The following LRP1B variants were observed in gnomAD, a reference collection of about 807,000 sequenced individuals.
LRP1B encodes LDL receptor related protein 1B, also known as low-density lipoprotein receptor-related protein 1B.
In LRP1B, 217 loss-of-function variants were observed where a neutral mutation model predicts 556.6. That is an observed-to-expected ratio of 0.39 (90% confidence interval 0.35 to 0.44). The LOEUF (loss-of-function observed/expected upper bound fraction) is 0.44, where lower values mean the gene tolerates loss of function less well. Ranked by LOEUF, LRP1B falls within the 20% of genes least tolerant of loss-of-function variation. The pLI, the probability that LRP1B is intolerant of heterozygous loss-of-function variation, is 1.00. For missense variants in LRP1B, 5,053 were observed against 5,620.8 expected (o/e 0.90, Z 3.23); for synonymous variants, 2,047 against 1,865.8 (o/e 1.10, Z -2.50).
intron 35 of LRP1B, among the ~76,000 whole-genome samples, chr2:140,717,473 T>C (rs940116189): frequency 6.6e-6 from 1 of 152,108 alleles, no homozygotes; most frequent in African/African-American, 2.4e-5. Flanking sequence ...TGAAGAATTG[T>C]TCTATGTGAT....
intron 3 of LRP1B, among the ~76,000 whole-genome samples, chr2:141,400,819 TC>T (rs1690424771): frequency 6.6e-6 from 1 of 152,182 alleles, no homozygotes; most frequent in South Asian, 2.1e-4. Flanking sequence ...TGCAATGGCT[TC>T]CTTTGCCTCT....
chr2:141,398,323 G>GA (rs545724253), intron 3 of LRP1B, among the ~76,000 whole-genome samples: 76 of 152,196 alleles, frequency 5.0e-4, no homozygotes, highest in African/African-American at 1.8e-3. Context: ...TGCTTACCAT[G>GA]AAAAAAAGAC....
intron 29 of LRP1B, among the ~76,000 whole-genome samples, chr2:140,841,446 T>C (rs1407495917): frequency 5.3e-5 from 8 of 152,184 alleles, no homozygotes; most frequent in Non-Finnish European, 1.5e-5. Flanking sequence ...ATAGCACATC[T>C]TTCTAGTTAC....
intron 3 of LRP1B, among the ~76,000 whole-genome samples, chr2:141,406,856 G>T (rs1043382082): frequency 6.6e-6 from 1 of 152,056 alleles, no homozygotes; most frequent in African/African-American, 2.4e-5. Flanking sequence ...TATATGTGCT[G>T]TAAGCTTTTA....
intron 3 of LRP1B, among the ~76,000 whole-genome samples, chr2:141,372,619 C>A (rs1223098038): frequency 1.3e-5 from 2 of 151,944 alleles, no homozygotes; most frequent in African/African-American, 4.8e-5. Context: ...CAGGAGCTTG[C>A]AGTTTTCCAG....
At position 140,371,294 on chromosome 2, in the gene LRP1B, A is replaced by G; in HGVS notation, c.10769-9T>C. 6.8e-7 allele frequency: 1 copy of G among 1,479,264 alleles called. No homozygotes were observed. Among genetic ancestry groups the G allele is most frequent in the Non-Finnish European group, 9.2e-7 (1 of 1,089,344 alleles). 91.6% of individuals were successfully genotyped at this position (1,479,264 alleles called of 1,614,324 possible). On this transcript the variant is annotated splice_polypyrimidine_tract_variant and intron_variant, in intron 69 of 90. Transcript: ENST00000389484. ...TGAGCAAGTAGGAGAAGCTGAATAC[A>G]ATTATAAATTTGAAATTGAGATAGA...
At chr2:141,276,523 C>T (rs1032762123) in intron 3 of LRP1B, among the ~76,000 whole-genome samples, 3 of 152,222 alleles carry the variant, frequency 2.0e-5, no homozygotes, top group Middle Eastern at 3.4e-3. Context: ...GTTTAACTCC[C>T]ATTTACTAGT....
At chr2:140,395,715 C>T (rs1272340527) in intron 66 of LRP1B, among the ~76,000 whole-genome samples, 2 of 152,152 alleles carry the variant, frequency 1.3e-5, no homozygotes, top group Non-Finnish European at 2.9e-5. Context: ...AGAGGTGAAT[C>T]TATAATAAGC....
Position 140,274,427 on chromosome 2 carries a change from C to T in LRP1B, c.13139G>A (p.Cys4380Tyr). ...ATTAAGCTGGGTGTCCACTTACTTGCAAAATATATCTTCACTGTCTTTATT... is the reference window on the plus strand; with the variant it reads ...ATTAAGCTGGGTGTCCACTTACTTGTAAAATATATCTTCACTGTCTTTATT... ...IINKDSEDIF[C>Y]NCTNGKIASS... The change falls in exon 85 of 91, where the codon TGC becomes TAC. Residue 4380 changes from cysteine (C) to tyrosine (Y), a missense_variant. Transcript: ENST00000389484. The T allele has an allele frequency of 6.2e-7, 1 of 1,612,012 alleles. No individual in the cohort carries two copies.
intron 1 of LRP1B, among the ~76,000 whole-genome samples, chr2:141,873,802 A>T (rs950786234): frequency 2.1e-5 from 2 of 95,992 alleles, no homozygotes. Context: ...GGATGAGGTT[A>T]AAAAAAAAAA....
chr2:140,596,659 C>T (rs1682453949), intron 43 of LRP1B, among the ~76,000 whole-genome samples: 1 of 152,138 alleles, frequency 6.6e-6, no homozygotes, highest in Admixed American at 6.5e-5. Context: ...ATGTTTTGTA[C>T]ACTTAGTTGG....
At chr2:141,313,077 C>T (rs1425629734) in intron 3 of LRP1B, among the ~76,000 whole-genome samples, 1 of 152,080 alleles carries the variant, frequency 6.6e-6, no homozygotes, top group Non-Finnish European at 1.5e-5. Context: ...CACACATCCT[C>T]CCCACCCCGA....
chr2:140,613,400 A>T (rs147288799), intron 41 of LRP1B, among the ~76,000 whole-genome samples: 2,836 of 84,276 alleles, frequency 0.034, 335 homozygotes, highest in African/African-American at 0.096. Flanking sequence ...TATAAATATA[A>T]ATAATTATAT....
At chr2:140,904,837 C>T (rs1028811782) in intron 22 of LRP1B, among the ~76,000 whole-genome samples, 3 of 151,874 alleles carry the variant, frequency 2.0e-5, no homozygotes, top group African/African-American at 7.3e-5. Context: ...TCATTGTGCC[C>T]AGGAGGTAAA....
At chr2:141,670,501 G>A (rs1212787393) in intron 2 of LRP1B, among the ~76,000 whole-genome samples, 6 of 152,112 alleles carry the variant, frequency 3.9e-5, no homozygotes, top group Non-Finnish European at 7.4e-5. Flanking sequence ...TAGGCTATGG[G>A]CAAGGGGATG....
chr2:141,003,015 A>G (rs1697469541), intron 15 of LRP1B, among the ~76,000 whole-genome samples: 1 of 152,022 alleles, frequency 6.6e-6, no homozygotes. Context: ...ACTTAAAATA[A>G]TAATAAAATA....
intron 62 of LRP1B, among the ~76,000 whole-genome samples, chr2:140,455,637 A>T (rs1401381560): frequency 6.6e-6 from 1 of 152,168 alleles, no homozygotes; most frequent in Admixed American, 6.5e-5. Context: ...GATACTCCTA[A>T]ATCTAATCTG....
chr2:140,527,978 T>C (rs112751972), intron 47 of LRP1B, among the ~76,000 whole-genome samples: 22 of 152,056 alleles, frequency 1.4e-4, no homozygotes, highest in African/African-American at 5.3e-4. Flanking sequence ...CATCTCATAA[T>C]GCACTTGAGT....
intron 1 of LRP1B, among the ~76,000 whole-genome samples, chr2:142,076,461 A>C (rs1171925006): frequency 6.6e-6 from 1 of 152,104 alleles, no homozygotes; most frequent in African/African-American, 2.4e-5. Context: ...AGGAAAAAGC[A>C]ACAAAGAGAA....
Sources: gnomAD v4.1 joint callset for allele counts (sites outside exome capture counted in the v4.1 genomes callset) on GRCh38, gnomAD v4.1.1 for gene constraint, MANE v1.5 for transcripts, NCBI Gene and HGNC (gene_info 2026-07-23, HGNC 2026-07-21) for gene names.